Variants in KCNAB1 observed in about 807,000 individuals in gnomAD.
The protein encoded by KCNAB1 is potassium voltage-gated channel subfamily A regulatory beta subunit 1.
KCNAB1 carries 35 observed loss-of-function variants against 64.6 expected under a neutral mutation model. The ratio of observed to expected loss-of-function variants is 0.54; its 90% confidence interval spans 0.41 to 0.72. The LOEUF is 0.72. Ranked by LOEUF, KCNAB1 falls within the 30% of genes least tolerant of loss-of-function variation. The pLI is 0.00. For synonymous variants in KCNAB1, 177 were observed against 183.8 expected (o/e 0.96, Z 0.30); for missense variants, 401 against 512.9 (o/e 0.78, Z 2.11).
intron 1 of KCNAB1, among the ~76,000 whole-genome samples, chr3:156,285,306 A>T (rs549983481): frequency 6.5e-4 from 99 of 152,328 alleles, no homozygotes; most frequent in Middle Eastern, 6.8e-3. Context: ...TATTTATGCC[A>T]TCTTGTTCTA....
In KCNAB1 at chr3:156,143,928, TA is replaced by T. The variant is rs1356440835; in HGVS notation, c.275+23043del. ...TTATTTATTTATTTATTTATTTATT[TA>T]TTTATTTATTTTTTAAATCAGTGTC... On this transcript the variant is annotated intron_variant, in intron 1 of 13. Transcript: ENST00000490337. Among the ~76,000 whole-genome samples, 4 of 151,564 alleles carry T rather than the reference TA, an allele frequency of 2.6e-5. No homozygotes were observed. In the East Asian group the frequency reaches 7.7e-4, roughly 29 times the overall value.
At chr3:156,308,677 A>G (rs1034887032) in intron 1 of KCNAB1, among the ~76,000 whole-genome samples, 17 of 152,218 alleles carry the variant, frequency 1.1e-4, no homozygotes, top group Admixed American at 1.1e-3. Context: ...CAAGCTTTTC[A>G]TCAGTGAAAT....
chr3:156,537,074 G>C lies in KCNAB1; in HGVS notation c.*327G>C. ...TCAGGCATTTGGTAACTCAAAGAAGGCTGTACAGATATATTTTTTCAAAAG... is the reference window on the plus strand; with the variant it reads ...TCAGGCATTTGGTAACTCAAAGAAGCCTGTACAGATATATTTTTTCAAAAG... On this transcript the variant is annotated 3_prime_UTR_variant, in exon 14 of 14. Transcript: ENST00000490337. 1 of 415,682 alleles carries C rather than the reference G, an allele frequency of 2.4e-6. No homozygotes were observed. The highest frequency in any genetic ancestry group is 4.2e-6 in the Non-Finnish European group (1 of 236,482). The allele number at this position is 415,682 out of a possible 1,614,324, so 25.7% of individuals were successfully genotyped here.
At chr3:156,434,572 G>A (rs975442846) in intron 2 of KCNAB1, among the ~76,000 whole-genome samples, 1 of 151,882 alleles carries the variant, frequency 6.6e-6, no homozygotes, top group East Asian at 1.9e-4. Context: ...AAACTACAAA[G>A]TTTCTGAGAT....
chr3:156,306,499 A>G (rs997854903), intron 1 of KCNAB1, among the ~76,000 whole-genome samples: 1 of 152,244 alleles, frequency 6.6e-6, no homozygotes, highest in African/African-American at 2.4e-5. Context: ...TCTTCACTTT[A>G]CTACATTCAA....
At chr3:156,439,449 G>T (rs774819888) in intron 2 of KCNAB1, among the ~76,000 whole-genome samples, 4 of 152,162 alleles carry the variant, frequency 2.6e-5, no homozygotes, top group Non-Finnish European at 5.9e-5. Flanking sequence ...AATCTGCAAA[G>T]CTGGACTCTG....
chr3:156,527,887 C>A (rs1718435405), intron 12 of KCNAB1, among the ~76,000 whole-genome samples: 1 of 152,204 alleles, frequency 6.6e-6, no homozygotes, highest in African/African-American at 2.4e-5. Flanking sequence ...CTGGAGCCAG[C>A]ATTCATACTT....
At chr3:156,362,435 G>T (rs1462904564) in intron 1 of KCNAB1, among the ~76,000 whole-genome samples, 1 of 152,194 alleles carries the variant, frequency 6.6e-6, no homozygotes, top group East Asian at 1.9e-4. Flanking sequence ...AGGCAGTGTG[G>T]CATTGAATTG....
intron 1 of KCNAB1, among the ~76,000 whole-genome samples, chr3:156,302,134 T>A (rs1465491336): frequency 6.6e-6 from 1 of 152,208 alleles, no homozygotes; most frequent in East Asian, 1.9e-4. Flanking sequence ...TCCTCCATCT[T>A]CAAAGCACAT....
At chr3:156,143,926 T>C (rs2108283797) in intron 1 of KCNAB1, among the ~76,000 whole-genome samples, 1 of 151,610 alleles carries the variant, frequency 6.6e-6, no homozygotes, top group South Asian at 2.1e-4. Flanking sequence ...TATTTATTTA[T>C]TTATTTATTT....
intron 2 of KCNAB1, among the ~76,000 whole-genome samples, chr3:156,443,915 G>A (rs1163811626): frequency 6.6e-6 from 1 of 152,204 alleles, no homozygotes; most frequent in Non-Finnish European, 1.5e-5. Context: ...AAAGGCAGGT[G>A]TGAAAGCATC....
intron 8 of KCNAB1, among the ~76,000 whole-genome samples, chr3:156,510,874 C>A (rs982862971): frequency 6.6e-6 from 1 of 152,156 alleles, no homozygotes; most frequent in Non-Finnish European, 1.5e-5. Flanking sequence ...CTTTGGCTGC[C>A]GGCTACCCAG....
At chr3:156,291,690 T>C in intron 1 of KCNAB1, 2 of 1,414,848 alleles carry the variant, frequency 1.4e-6, no homozygotes, top group South Asian at 1.5e-5. Context: ...TGTTTACTTC[T>C]CTGGGTCCCC....
intron 1 of KCNAB1, among the ~76,000 whole-genome samples, chr3:156,128,075 C>G (rs536617165): frequency 6.6e-6 from 1 of 152,310 alleles, no homozygotes; most frequent in South Asian, 2.1e-4. Context: ...TCTGAGATCT[C>G]TCTGCCGCTA....
At chr3:156,171,061 T>C (rs1711945267) in intron 1 of KCNAB1, among the ~76,000 whole-genome samples, 1 of 152,124 alleles carries the variant, frequency 6.6e-6, no homozygotes, top group African/African-American at 2.4e-5. Context: ...GAGTGGGCTT[T>C]TACCCAATTA....
At chr3:156,398,319 G>A (rs567910570) in intron 1 of KCNAB1, among the ~76,000 whole-genome samples, 3 of 152,272 alleles carry the variant, frequency 2.0e-5, no homozygotes, top group South Asian at 2.1e-4. Context: ...GGGGCCAGGC[G>A]CGGTGGCTCA....
intron 1 of KCNAB1, among the ~76,000 whole-genome samples, chr3:156,164,353 T>A (rs973741171): frequency 6.6e-6 from 1 of 152,210 alleles, no homozygotes; most frequent in Non-Finnish European, 1.5e-5. Context: ...ATGTTACCAA[T>A]GAGGCCGCTC....
intron 1 of KCNAB1, among the ~76,000 whole-genome samples, chr3:156,409,343 G>A (rs1458059090): frequency 6.6e-6 from 1 of 152,256 alleles, no homozygotes; most frequent in East Asian, 1.9e-4. Context: ...CATAAAGTAA[G>A]GTTATTTCAT....
intron 2 of KCNAB1, among the ~76,000 whole-genome samples, chr3:156,425,587 C>T (rs1020821506): frequency 1.3e-5 from 2 of 152,110 alleles, no homozygotes; most frequent in African/African-American, 2.4e-5. Context: ...AAACTCACCC[C>T]GATCTGATAG....
Sources: gnomAD v4.1 joint callset for allele counts (sites outside exome capture counted in the v4.1 genomes callset) on GRCh38, gnomAD v4.1.1 for gene constraint, MANE v1.5 for transcripts, NCBI Gene and HGNC (gene_info 2026-07-23, HGNC 2026-07-21) for gene names.